The following NFIC variants were observed in gnomAD, a reference collection of about 807,000 sequenced individuals.
The protein encoded by NFIC is nuclear factor I C.
Under a neutral mutation model 54.4 loss-of-function variants are expected in NFIC, and 12 were observed. That is an observed-to-expected ratio of 0.22 (90% CI 0.14 to 0.36). The LOEUF is 0.36. NFIC is among the 10% of genes least tolerant of loss of function. The pLI is 1.00. For missense variants in NFIC, 575 were observed against 718.2 expected, an observed-to-expected ratio of 0.80 and a Z score of 2.28; for synonymous variants, 322 against 319.2, an observed-to-expected ratio of 1.01 and a Z score of -0.09.
Position 3,464,815 on chromosome 19 carries a change from G to C in NFIC, c.*2046G>C. The C allele has an allele frequency of 3.1e-6, 2 of 649,252 alleles. No individual in the cohort carries two copies. The highest frequency in any genetic ancestry group is 3.8e-6 in the Non-Finnish European group (2 of 523,186). The allele number at this position is 649,252 out of a possible 1,614,324, so 40.2% of individuals were successfully genotyped here. ...TTGGTCCCTCCGTCCGTCTGTCCTCGGGGCCCGCTCCCCCGGTGGCCCTTG... is the reference window on the plus strand; with the variant it reads ...TTGGTCCCTCCGTCCGTCTGTCCTCCGGGCCCGCTCCCCCGGTGGCCCTTG... On this transcript the variant is annotated 3_prime_UTR_variant, in exon 11 of 11. Transcript: ENST00000443272.
chr19:3,431,772 G>A (rs772717908), intron 3 of NFIC, among the ~76,000 whole-genome samples: 52 of 152,118 alleles, frequency 3.4e-4, no homozygotes, highest in African/African-American at 7.7e-4. Flanking sequence ...CCAAAGTGCC[G>A]GGATTACAGG....
intron 2 of NFIC, among the ~76,000 whole-genome samples, chr19:3,387,839 C>A (rs977604807): frequency 6.6e-6 from 1 of 151,694 alleles, no homozygotes. Context: ...GGGTGCTCTC[C>A]GACCTGCCAC....
At chr19:3,411,043 CCT>C (rs2081749853) in intron 2 of NFIC, 1 of 152,136 alleles carries the variant, frequency 6.6e-6, no homozygotes, top group South Asian at 2.1e-4. Context: ...ATAGGGTCTC[CCT>C]CTGTTGCCCA....
At chr19:3,461,732 T>C (rs1187001044) in intron 10 of NFIC, among the ~76,000 whole-genome samples, 1 of 148,866 alleles carries the variant, frequency 6.7e-6, no homozygotes, top group Non-Finnish European at 1.5e-5. Flanking sequence ...CATAAATAAA[T>C]AATAAATAGA....
chr19:3,448,176 G>T (rs1056197216), intron 6 of NFIC, among the ~76,000 whole-genome samples: 2 of 152,204 alleles, frequency 1.3e-5, no homozygotes, highest in Non-Finnish European at 2.9e-5. Context: ...GGGTTCAAGC[G>T]ATTCTCCTGC....
At chr19:3,440,678 C>T (rs1206867993) in intron 6 of NFIC, among the ~76,000 whole-genome samples, 2 of 152,106 alleles carry the variant, frequency 1.3e-5, no homozygotes, top group Non-Finnish European at 2.9e-5. Context: ...AGTTCCACCA[C>T]ACCCGGCTAA....
intron 6 of NFIC, among the ~76,000 whole-genome samples, chr19:3,445,403 C>T (rs1252726623): frequency 6.6e-6 from 1 of 152,214 alleles, no homozygotes; most frequent in Admixed American, 6.5e-5. Flanking sequence ...GTGGCTCAGC[C>T]TCGATGTCCG....
intron 2 of NFIC, among the ~76,000 whole-genome samples, chr19:3,398,679 C>G (rs375740572): frequency 6.6e-6 from 1 of 152,168 alleles, no homozygotes; most frequent in African/African-American, 2.4e-5. Context: ...ACGACGCTCC[C>G]GTGCTCCAGG....
At chr19:3,381,445 G>C (rs1319298012) in intron 1 of NFIC, among the ~76,000 whole-genome samples, 2 of 148,786 alleles carry the variant, frequency 1.3e-5, no homozygotes, top group African/African-American at 4.9e-5. Context: ...GCCTTGATTT[G>C]TGCCTCTCAC....
intron 2 of NFIC, among the ~76,000 whole-genome samples, chr19:3,412,352 A>C (rs2081777201): frequency 6.6e-6 from 1 of 152,110 alleles, no homozygotes; most frequent in Non-Finnish European, 1.5e-5. Flanking sequence ...GATTCAAGCC[A>C]TCCCCACCTC....
At chr19:3,411,698 G>C (rs2145569771) in intron 2 of NFIC, among the ~76,000 whole-genome samples, 1 of 152,168 alleles carries the variant, frequency 6.6e-6, no homozygotes, top group African/African-American at 2.4e-5. Context: ...TTTTTGACCT[G>C]TGAACCCCAG....
intron 1 of NFIC, among the ~76,000 whole-genome samples, chr19:3,371,898 TCC>T (rs2081018690): frequency 1.9e-5 from 2 of 106,802 alleles, no homozygotes; most frequent in African/African-American, 3.3e-5. Context: ...CTTCCTTCCT[TCC>T]TTCCTTCCTT....
At chr19:3,381,565 C>A in intron 1 of NFIC, 147 bp from the exon 2 acceptor site, 2 of 1,261,998 alleles carry the variant, frequency 1.6e-6, no homozygotes, top group Non-Finnish European at 2.1e-6. Context: ...TGCACGGGTC[C>A]GCAGCGACCC....
chr19:3,462,789 C>A lies in NFIC; in HGVS notation c.*20C>A, dbSNP rs2082660403. 6.2e-7 allele frequency: 1 copy of A among 1,613,982 alleles called. No homozygotes were observed. Among genetic ancestry groups the A allele is most frequent in the East Asian group, 2.2e-5 (1 of 44,876 alleles). Reference sequence around the variant, plus strand: ...GGATAGCAAAGGTCTTCTTCCCTCGCCCCTTCTCCATCGTCCCAGGAATCC... The same window carrying A: ...GGATAGCAAAGGTCTTCTTCCCTCGACCCTTCTCCATCGTCCCAGGAATCC... On this transcript the variant is annotated 3_prime_UTR_variant, in exon 11 of 11. Transcript: ENST00000443272.
intron 1 of NFIC, among the ~76,000 whole-genome samples, chr19:3,379,041 C>T (rs902011179): frequency 2.0e-5 from 3 of 152,010 alleles, no homozygotes; most frequent in Non-Finnish European, 4.4e-5. Context: ...AACAAGCTTT[C>T]GTAGTCATTT....
intron 6 of NFIC, among the ~76,000 whole-genome samples, chr19:3,439,271 C>T (rs1306176074): frequency 2.3e-5 from 3 of 129,998 alleles, no homozygotes; most frequent in East Asian, 4.9e-4. Context: ...GAGGTCAAAG[C>T]TGCCCTGAGC....
chr19:3,405,910 CTT>C (rs1438352527), intron 2 of NFIC, among the ~76,000 whole-genome samples: 1 of 143,628 alleles, frequency 7.0e-6, no homozygotes, highest in Admixed American at 6.9e-5. Context: ...GCCCCTTTTT[CTT>C]TTTCTTTCTT....
At chr19:3,366,529 C>A (rs1179652594), upstream of NFIC, 7 of 342,232 alleles carry the variant, frequency 2.0e-5, no homozygotes, top group South Asian at 3.6e-4. Context: ...GCGCCGGCCG[C>A]GGGGCGGGGG....
In NFIC at chr19:3,456,655, C is replaced by A; in HGVS notation, c.1509+20C>A. On this transcript the variant is annotated intron_variant, in intron 10 of 10. Transcript: ENST00000443272. ...GCACAGGTAGGGGCCGAGAGGCCGG[C>A]TGGTGGGGTGGGAGGGGCAGGGCAG... 1 of 798,490 alleles carries A rather than the reference C, an allele frequency of 1.3e-6. No homozygotes were observed. The highest frequency in any genetic ancestry group is 1.9e-6 in the Non-Finnish European group (1 of 514,056). The allele number at this position is 798,490 out of a possible 1,614,324, so 49.5% of individuals were successfully genotyped here. A position where few individuals can be genotyped will look rare whatever the true frequency, so the allele number is the denominator to read the frequency against.
Sources: gnomAD v4.1 joint callset for allele counts (sites outside exome capture counted in the v4.1 genomes callset) on GRCh38, gnomAD v4.1.1 for gene constraint, MANE v1.5 for transcripts, NCBI Gene and HGNC (gene_info 2026-07-23, HGNC 2026-07-21) for gene names.